The following AAMDC variants were observed in gnomAD, a reference collection of about 807,000 sequenced individuals.
AAMDC encodes adipogenesis associated Mth938 domain containing, also known as mth938 domain-containing protein.
Under a neutral mutation model 15.5 loss-of-function variants are expected in AAMDC, and 16 were observed. The observed-to-expected ratio is 1.03, with a 90% confidence interval of 0.70 to 1.57. The LOEUF is 1.57. Ranked by LOEUF, AAMDC falls within the 40% of genes most tolerant of loss-of-function variation. The probability of loss-of-function intolerance (pLI) is 0.00; values close to 1 mark genes in which losing one functional copy is unlikely to be tolerated. For synonymous variants in AAMDC, 51 were observed against 51.6 expected (o/e 0.99, Z 0.05); for missense variants, 141 against 144.9 (o/e 0.97, Z 0.14).
chr11:77,882,722 C>T (rs1951840487), intron 5 of AAMDC, among the ~76,000 whole-genome samples: 1 of 152,164 alleles, frequency 6.6e-6, no homozygotes, highest in Admixed American at 6.5e-5. Context: ...GCTGCCCTAA[C>T]ATCCAACAGC....
intron 5 of AAMDC, among the ~76,000 whole-genome samples, chr11:77,877,481 G>A (rs1170644380): frequency 6.6e-6 from 1 of 152,170 alleles, no homozygotes; most frequent in African/African-American, 2.4e-5. Context: ...CCACTGTTGA[G>A]GTCCAATTAT....
At chr11:77,891,087 C>A (rs564144517) in intron 5 of AAMDC, among the ~76,000 whole-genome samples, 9 of 152,266 alleles carry the variant, frequency 5.9e-5, no homozygotes, top group African/African-American at 1.9e-4. Context: ...CTCTTTATGT[C>A]AACTCCTCCT....
intron 2 of AAMDC, among the ~76,000 whole-genome samples, chr11:77,867,890 T>G (rs1354817420): frequency 6.6e-6 from 1 of 152,164 alleles, no homozygotes; most frequent in Non-Finnish European, 1.5e-5. Context: ...CTGGGAAGAT[T>G]AGGAAGTTCA....
chr11:77,868,148 C>G (rs1193062160), intron 2 of AAMDC, among the ~76,000 whole-genome samples: 1 of 151,420 alleles, frequency 6.6e-6, no homozygotes, highest in Non-Finnish European at 1.5e-5. Context: ...CTCTGCCTCC[C>G]AGGTTCACGC....
chr11:77,851,200 G>A (rs1950367749), intron 2 of AAMDC, among the ~76,000 whole-genome samples: 1 of 152,020 alleles, frequency 6.6e-6, no homozygotes, highest in Non-Finnish European at 1.5e-5. Context: ...TGATCCACCT[G>A]CCTCGGCCTC....
At chr11:77,826,747 C>T (rs537968465) in intron 1 of AAMDC, among the ~76,000 whole-genome samples, 1 of 152,286 alleles carries the variant, frequency 6.6e-6, no homozygotes, top group South Asian at 2.1e-4. Flanking sequence ...TCTAGAATAA[C>T]ATGAACTATG....
chr11:77,844,078 G>C (rs546427768), intron 2 of AAMDC, among the ~76,000 whole-genome samples: 31 of 152,186 alleles, frequency 2.0e-4, no homozygotes, highest in African/African-American at 7.2e-4. Flanking sequence ...TCTAAGATGA[G>C]ATTTGGGTGG....
intron 5 of AAMDC, chr11:77,878,853 C>A: frequency 1.1e-6 from 1 of 872,122 alleles, no homozygotes; most frequent in Non-Finnish European, 2.0e-6. Flanking sequence ...ACTCCTTAAG[C>A]CTACACATCA....
intron 5 of AAMDC, chr11:77,891,906 C>G: frequency 6.2e-7 from 1 of 1,601,870 alleles, no homozygotes; most frequent in Non-Finnish European, 8.5e-7. Flanking sequence ...GGCTGGGCCC[C>G]AGACACCTAT....
chr11:77,891,044 C>A (rs1952240248), intron 5 of AAMDC, among the ~76,000 whole-genome samples: 1 of 152,142 alleles, frequency 6.6e-6, no homozygotes, highest in Non-Finnish European at 1.5e-5. Context: ...TTAGTGAACC[C>A]TTACTGGGTC....
intron 2 of AAMDC, among the ~76,000 whole-genome samples, chr11:77,861,314 T>C (rs1007596897): frequency 6.6e-6 from 1 of 152,188 alleles, no homozygotes; most frequent in African/African-American, 2.4e-5. Flanking sequence ...CAGTCACAAC[T>C]TAGTGGCTGA....
intron 2 of AAMDC, among the ~76,000 whole-genome samples, chr11:77,845,718 AC>A (rs1950119283): frequency 6.6e-6 from 1 of 152,172 alleles, no homozygotes; most frequent in Admixed American, 6.5e-5. Flanking sequence ...GTGAGCCACC[AC>A]ACCTAGCCCA....
chr11:77,865,981 G>GT (rs1951091097), intron 2 of AAMDC, among the ~76,000 whole-genome samples: 1 of 152,188 alleles, frequency 6.6e-6, no homozygotes, highest in Non-Finnish European at 1.5e-5. Flanking sequence ...TAATGAGAAT[G>GT]TGACTCAGGC....
chr11:77,837,462 T>A (rs1949735772), intron 1 of AAMDC, among the ~76,000 whole-genome samples: 1 of 146,146 alleles, frequency 6.8e-6, no homozygotes, highest in Non-Finnish European at 1.5e-5. Flanking sequence ...TTTGTTTGTT[T>A]GTTTGTTTTT....
intron 1 of AAMDC, among the ~76,000 whole-genome samples, chr11:77,841,659 G>T (rs1949938257): frequency 6.6e-6 from 1 of 152,108 alleles, no homozygotes; most frequent in African/African-American, 2.4e-5. Context: ...GGTGTCTTGG[G>T]TCTATCTTCC....
intron 5 of AAMDC, among the ~76,000 whole-genome samples, chr11:77,898,966 G>A (rs1952653262): frequency 6.6e-6 from 1 of 152,252 alleles, no homozygotes; most frequent in African/African-American, 2.4e-5. Context: ...GTTGCAGTGA[G>A]TTGAGATCGT....
intron 5 of AAMDC, among the ~76,000 whole-genome samples, chr11:77,900,316 C>T (rs190865470): frequency 6.6e-6 from 1 of 152,136 alleles, no homozygotes; most frequent in Admixed American, 6.5e-5. Flanking sequence ...AGCCAGGATG[C>T]TCTTGATCTC....
chr11:77,827,945 C>A (rs1004423722), intron 1 of AAMDC, among the ~76,000 whole-genome samples: 1 of 152,104 alleles, frequency 6.6e-6, no homozygotes, highest in Non-Finnish European at 1.5e-5. Context: ...CTCAAAAATC[C>A]TGTGTTATTC....
At chr11:77,868,398 G>T (rs1357706624) in intron 2 of AAMDC, among the ~76,000 whole-genome samples, 12 of 112,456 alleles carry the variant, frequency 1.1e-4, no homozygotes, top group Non-Finnish European at 1.5e-4. Flanking sequence ...TGGTCTTGTT[G>T]CCCAGGCTGG....
Sources: gnomAD v4.1 joint callset for allele counts (sites outside exome capture counted in the v4.1 genomes callset) on GRCh38, gnomAD v4.1.1 for gene constraint, MANE v1.5 for transcripts, NCBI Gene and HGNC (gene_info 2026-07-23, HGNC 2026-07-21) for gene names.